PPP1R21: variants seen among roughly 807,000 people sequenced by gnomAD.
The protein encoded by PPP1R21 is KLRAQ motif containing 1.
PPP1R21 carries 85 observed loss-of-function variants against 112.8 expected under a neutral mutation model. The observed-to-expected ratio is 0.75, with a 90% CI of 0.63 to 0.90. The LOEUF (loss-of-function observed/expected upper bound fraction) is 0.90, where lower values mean the gene tolerates loss of function less well. PPP1R21 is among the 40% of genes least tolerant of loss of function. The probability of loss-of-function intolerance (pLI) is 0.00; values close to 1 mark genes in which losing one functional copy is unlikely to be tolerated. For missense variants in PPP1R21, 1,199 were observed against 901.5 expected (o/e 1.33, Z -4.23); for synonymous variants, 381 against 322.3 (o/e 1.18, Z -1.95).
chr2:48,463,850 C>A (rs895198638), intron 7 of PPP1R21, among the ~76,000 whole-genome samples: 1 of 151,710 alleles, frequency 6.6e-6, no homozygotes, highest in African/African-American at 2.4e-5. Flanking sequence ...TGTAAGAACT[C>A]TTTTGCTTTG....
In PPP1R21 at chr2:48,497,766, C is replaced by G. The variant is rs983175705; in HGVS notation, c.1693-727C>G. 1.3e-5 allele frequency among the ~76,000 whole-genome samples: 2 copies of G among 151,952 alleles called. 1 individual carries two copies. The highest frequency in any genetic ancestry group is 4.8e-5 in the African/African-American group (2 of 41,366). On this transcript the variant is annotated intron_variant, in intron 16 of 21. Coordinates refer to ENST00000294952, the MANE Select transcript of PPP1R21 (RefSeq NM_001135629.3). ...TCCTGGGTTCACGCCATTCTCCTGC[C>G]TCAGCCTCCCGAGTAGCTGGGACTA...
intron 17 of PPP1R21, among the ~76,000 whole-genome samples, chr2:48,498,942 C>T (rs1344350096): frequency 3.3e-5 from 5 of 152,120 alleles, no homozygotes; most frequent in African/African-American, 7.2e-5. Context: ...GATTCACTGT[C>T]TGGTTAGGGT....
At chr2:48,490,306 A>G (rs543689239) in intron 14 of PPP1R21, among the ~76,000 whole-genome samples, 71 of 152,218 alleles carry the variant, frequency 4.7e-4, no homozygotes, top group African/African-American at 1.4e-3. Context: ...TTAATGATCC[A>G]GATGATCATG....
In PPP1R21 at chr2:48,472,625, C is replaced by CA. The variant is rs756647260; in HGVS notation, c.1088+1271dup. 4.0e-3 allele frequency among the ~76,000 whole-genome samples: 482 copies of CA among 119,874 alleles called. 3 individuals carry two copies. Among genetic ancestry groups the CA allele is most frequent in the South Asian group, 0.011 (43 of 3,838 alleles). 78.6% of individuals were successfully genotyped at this position (119,874 alleles called of 152,430 possible). ...TGGGCAACAGAGTGAGACTCCGTCT[C>CA]AAAAAAAAAAAAAGGTTAATTACTT... is the stretch of plus-strand genomic sequence containing the variant. On this transcript the variant is annotated intron_variant, in intron 11 of 21. Coordinates refer to ENST00000294952, the MANE Select transcript of PPP1R21 (RefSeq NM_001135629.3).
Position 48,440,829 on chromosome 2 carries a change from C to CGGCGGCGGCTGCGGT in PPP1R21, c.-119_-118insGGCTGCGGTGGCGGC. ...GGAGGAGGCGCGGCGGCGGCGGCGG[C>CGGCGGCGGCTGCGGT]GGCGGCTGCGGTGGCCAAGCAGGCA... On this transcript the variant is annotated 5_prime_UTR_variant, in exon 1 of 22. Transcript: ENST00000294952. 3.2e-5 allele frequency: 22 copies of CGGCGGCGGCTGCGGT among 686,424 alleles called. No individual in the cohort carries two copies. The highest frequency in any genetic ancestry group is 5.0e-5 in the Non-Finnish European group (20 of 401,158). 42.5% of individuals were successfully genotyped at this position (686,424 alleles called of 1,614,324 possible).
chr2:48,441,973 G>T (rs1412155145), intron 1 of PPP1R21, among the ~76,000 whole-genome samples: 1 of 152,130 alleles, frequency 6.6e-6, no homozygotes, highest in East Asian at 1.9e-4. Flanking sequence ...AATATTCTTT[G>T]AAAAATAAAA....
chr2:48,465,024 A>G, intron 8 of PPP1R21, 35 bp downstream of exon 8: 1 of 1,510,022 alleles, frequency 6.6e-7, no homozygotes. Flanking sequence ...ATTTTCAGTT[A>G]TATATACATC....
chr2:48,493,674 C>T (rs1161340583), intron 15 of PPP1R21, among the ~76,000 whole-genome samples: 1 of 152,044 alleles, frequency 6.6e-6, no homozygotes, highest in Non-Finnish European at 1.5e-5. Context: ...AAAGAAGGAT[C>T]TAAATAATTA....
At chr2:48,474,313 G>A (rs1295240503) in intron 11 of PPP1R21, among the ~76,000 whole-genome samples, 1 of 152,166 alleles carries the variant, frequency 6.6e-6, no homozygotes, top group Non-Finnish European at 1.5e-5. Flanking sequence ...AACCTGGGAT[G>A]CGGAGGTTAC....
In PPP1R21 at chr2:48,466,039, A is replaced by G. The variant is rs539285628; in HGVS notation, c.897+397A>G. ...CTTGTGGAGGGAAACTCCCATTTTTAAAACCATCAGATCTCGTGAGACCCA... is the reference window on the plus strand; with the variant it reads ...CTTGTGGAGGGAAACTCCCATTTTTGAAACCATCAGATCTCGTGAGACCCA... On this transcript the variant is annotated intron_variant, in intron 9 of 21. Coordinates refer to ENST00000294952, the MANE Select transcript of PPP1R21 (RefSeq NM_001135629.3). Among the ~76,000 whole-genome samples the G allele has an allele frequency of 9.8e-4, 149 of 152,276 alleles. 1 individual carries two copies. The highest frequency in any genetic ancestry group is 7.6e-4 in the Non-Finnish European group (52 of 68,012).
At chr2:48,467,334 A>G (rs1668252051) in intron 9 of PPP1R21, among the ~76,000 whole-genome samples, 3 of 152,222 alleles carry the variant, frequency 2.0e-5, no homozygotes. Context: ...CATTTAACCG[A>G]AAAGGATAAA....
rs749700249 is a variant in PPP1R21, at chr2:48,491,023, A to G, written c.1452A>G (p.Ala484=). The change falls in exon 15 of 22, where the codon GCA becomes GCG. Residue 484 remains alanine (A), a synonymous_variant. Transcript: ENST00000294952. The part of the protein sequence containing the change: ...VALTNGAGKI[A]SFFSNNLDYF... ...CCTTGTCATACTTTGTTTAGATTGCATCCTTCTTCAGCAACAATTTGGACT... is the reference window on the plus strand; with the variant it reads ...CCTTGTCATACTTTGTTTAGATTGCGTCCTTCTTCAGCAACAATTTGGACT... 8.1e-6 allele frequency: 13 copies of G among 1,613,708 alleles called. No homozygotes were observed. Among genetic ancestry groups the G allele is most frequent in the Non-Finnish European group, 1.1e-5 (13 of 1,179,742 alleles).
chr2:48,498,445 G>A, intron 16 of PPP1R21, 48 bp from the exon 17 acceptor site: 2 of 1,600,938 alleles, frequency 1.2e-6, no homozygotes. Flanking sequence ...GGCCACTAAG[G>A]TTTATCTGTA....
At chr2:48,450,801 A>G (rs1484613095) in intron 1 of PPP1R21, among the ~76,000 whole-genome samples, 1 of 151,054 alleles carries the variant, frequency 6.6e-6, no homozygotes, top group Non-Finnish European at 1.5e-5. Flanking sequence ...TCATTGGGCA[A>G]CTCAGCCTGT....
intron 7 of PPP1R21, among the ~76,000 whole-genome samples, chr2:48,462,044 A>G (rs889739161): frequency 3.3e-5 from 5 of 152,224 alleles, no homozygotes; most frequent in African/African-American, 9.6e-5. Context: ...TAGCTTCTAC[A>G]TTAATGTAAA....
chr2:48,497,908 C>G (rs1450304361), intron 16 of PPP1R21, among the ~76,000 whole-genome samples: 1 of 151,994 alleles, frequency 6.6e-6, no homozygotes, highest in East Asian at 1.9e-4. Context: ...GCCTCGGCCT[C>G]CTAAAGTGCT....
In PPP1R21 at chr2:48,498,484, C is replaced by G. The variant is rs950096997; in HGVS notation, c.1693-9C>G. 6.2e-7 allele frequency: 1 copy of G among 1,613,460 alleles called. No homozygotes were observed. Among genetic ancestry groups the G allele is most frequent in the African/African-American group, 1.3e-5 (1 of 74,866 alleles). ...GTCTCTAAGATACAACACTCTGTTA[C>G]TTTTCAAGGTTCAACAGAGTTTGGA... On this transcript the variant is annotated splice_polypyrimidine_tract_variant and intron_variant, in intron 16 of 21. Transcript: ENST00000294952.
intron 9 of PPP1R21, among the ~76,000 whole-genome samples, chr2:48,468,800 G>A (rs1249035767): frequency 6.6e-6 from 1 of 151,402 alleles, no homozygotes; most frequent in Non-Finnish European, 1.5e-5. Context: ...GGGCAACAGA[G>A]TGAGACCCTG....
At chr2:48,506,489 A>G (rs1395689961) in intron 18 of PPP1R21, among the ~76,000 whole-genome samples, 1 of 152,240 alleles carries the variant, frequency 6.6e-6, no homozygotes, top group African/African-American at 2.4e-5. Context: ...AGTAAGCTGG[A>G]AGATTCTTTG....
Sources: allele counts gnomAD v4.1 joint callset (sites outside exome capture counted in the v4.1 genomes callset), GRCh38; gene constraint gnomAD v4.1.1; transcripts MANE v1.5; gene names NCBI Gene and HGNC (gene_info 2026-07-23, HGNC 2026-07-21).